ADAMTSL2: variants seen among roughly 807,000 people sequenced by gnomAD.
ADAMTSL2 encodes ADAMTS-like protein 2.
A neutral mutation model predicts 117.0 loss-of-function variants in ADAMTSL2; 55 were observed. The ratio of observed to expected loss-of-function variants is 0.47; its 90% CI spans 0.38 to 0.59. The LOEUF (loss-of-function observed/expected upper bound fraction) is 0.59, where lower values mean the gene tolerates loss of function less well. ADAMTSL2 is among the 20% of genes least tolerant of loss of function. ADAMTSL2 has a pLI of 0.00. For synonymous variants in ADAMTSL2, 572 were observed against 566.4 expected (o/e 1.01, Z -0.14); for missense variants, 1,182 against 1,354.5 (o/e 0.87, Z 2.00).
At chr9:133,566,695 G>A (rs1279233770) in intron 12 of ADAMTSL2, among the ~76,000 whole-genome samples, 10 of 151,952 alleles carry the variant, frequency 6.6e-5, no homozygotes, top group South Asian at 2.1e-4. Flanking sequence ...TCCGTGACAT[G>A]GGAACTGGGA....
intron 9 of ADAMTSL2, among the ~76,000 whole-genome samples, chr9:133,552,083 C>T (rs551626078): frequency 2.0e-4 from 30 of 152,274 alleles, no homozygotes; most frequent in African/African-American, 6.7e-4. Context: ...CCGCCTCGGC[C>T]TCCCAAAGTG....
chr9:133,574,979 T>A lies in ADAMTSL2; in HGVS notation c.*115T>A, dbSNP rs953285926. On this transcript the variant is annotated 3_prime_UTR_variant, in exon 19 of 19. Transcript: ENST00000651351. The stretch of plus-strand genomic sequence containing the variant: ...GCGGGGCACGCTGGCCTAAGAGACG[T>A]GGCACTGAGCCTCGGCTGTCGAGAG... The A allele has an allele frequency of 5.0e-6, 4 of 803,154 alleles. No homozygotes were observed. In the Admixed American group the frequency reaches 8.1e-5, roughly 16 times the overall value. The allele number at this position is 803,154 out of a possible 1,614,324, so 49.8% of individuals were successfully genotyped here.
At chr9:133,540,014 G>C (rs920562846) in intron 5 of ADAMTSL2, 141 bp downstream of exon 5, 2 of 791,882 alleles carry the variant, frequency 2.5e-6, no homozygotes, top group Non-Finnish European at 4.2e-6. Flanking sequence ...AATGAACCTG[G>C]GTCTCCTGAG....
chr9:133,562,504 C>T lies in ADAMTSL2; in HGVS notation c.1747+1209C>T, dbSNP rs1190713636. Among the ~76,000 whole-genome samples, 83 of 140,300 alleles carry T rather than the reference C, an allele frequency of 5.9e-4. 3 individuals carry two copies. The highest frequency in any genetic ancestry group is 1.9e-3 in the African/African-American group (73 of 38,380). The allele number at this position is 140,300 out of a possible 152,430, so 92.0% of individuals were successfully genotyped here. A position where few individuals can be genotyped will look rare whatever the true frequency, so the allele number is the denominator to read the frequency against. On this transcript the variant is annotated intron_variant, in intron 12 of 18. Transcript: ENST00000651351. ...GCACCCGGCTCGGCCAGGCTCGCAC[C>T]GCCGTGGGCGGCGTGGCGGGCACCC...
At chr9:133,569,303 G>A (rs1442276340) in intron 15 of ADAMTSL2, 105 bp from the exon 16 acceptor site, 50 of 1,218,516 alleles carry the variant, frequency 4.1e-5, no homozygotes, top group Middle Eastern at 2.0e-4. Flanking sequence ...CAACCGCTTC[G>A]ACACTGCCTG....
intron 16 of ADAMTSL2, 152 bp from the exon 17 acceptor site, chr9:133,570,179 G>C: frequency 1.2e-6 from 1 of 864,410 alleles, no homozygotes; most frequent in Non-Finnish European, 1.7e-6. Context: ...AATGGTTATC[G>C]AACAAAGAGT....
At chr9:133,544,380 C>T (rs558622065) in intron 7 of ADAMTSL2, 90 bp from the exon 8 acceptor site, 3 of 1,102,066 alleles carry the variant, frequency 2.7e-6, no homozygotes, top group South Asian at 2.5e-5. Context: ...ACAGCCACCG[C>T]TCACCCTCCA....
intron 3 of ADAMTSL2, 151 bp downstream of exon 3, chr9:133,537,698 T>C (rs1268601121): frequency 2.1e-6 from 2 of 947,096 alleles, no homozygotes; most frequent in Non-Finnish European, 1.4e-6. Flanking sequence ...CATCAGCCTC[T>C]GCTGGACGCG....
chr9:133,542,712 C>T (rs561633477), intron 7 of ADAMTSL2, among the ~76,000 whole-genome samples: 16 of 152,278 alleles, frequency 1.1e-4, no homozygotes, highest in African/African-American at 3.1e-4. Flanking sequence ...AGAGGCAGAA[C>T]GGGGCCTGAA....
chr9:133,569,938 G>A (rs1831065922), intron 16 of ADAMTSL2, among the ~76,000 whole-genome samples: 1 of 152,206 alleles, frequency 6.6e-6, no homozygotes, highest in Non-Finnish European at 1.5e-5. Flanking sequence ...TGTGTCTTCC[G>A]CACCCACCTG....
chr9:133,563,503 G>A (rs1830796989), intron 12 of ADAMTSL2, among the ~76,000 whole-genome samples: 2 of 152,212 alleles, frequency 1.3e-5, no homozygotes, highest in African/African-American at 4.8e-5. Context: ...CAGACACATC[G>A]CTGGCTGGAG....
rs1327701305 is a variant in ADAMTSL2 at position 133,554,866 on chromosome 9, C to A, written c.1276+173C>A. On this transcript the variant is annotated intron_variant, in intron 10 of 18. Transcript: ENST00000651351. This position sits in a 1 kb window ranked among gnomAD's most constrained non-coding sequence, Gnocchi z 5.2. Reference sequence around the variant, plus strand: ...ACAGGGTTGAGGACTTGGGATAGGTCCTTCTGTCCATGCATTCTTTGAGGT... The same window carrying A: ...ACAGGGTTGAGGACTTGGGATAGGTACTTCTGTCCATGCATTCTTTGAGGT... 1.3e-5 allele frequency among the ~76,000 whole-genome samples: 2 copies of A among 152,188 alleles called. No individual in the cohort carries two copies. Among genetic ancestry groups the A allele is most frequent in the Non-Finnish European group, 2.9e-5 (2 of 68,032 alleles).
intron 17 of ADAMTSL2, among the ~76,000 whole-genome samples, chr9:133,572,049 G>A (rs1831117009): frequency 6.6e-6 from 1 of 152,160 alleles, no homozygotes; most frequent in Non-Finnish European, 1.5e-5. Context: ...CCAAGAGTCT[G>A]TGAGGAGCGA....
intron 4 of ADAMTSL2, 116 bp from the exon 5 acceptor site, chr9:133,539,655 G>GGCTGTCCCGGCTGTCCCT: frequency 1.0e-6 from 1 of 959,354 alleles, no homozygotes; most frequent in Non-Finnish European, 1.6e-6. Context: ...GCCCCCGCAC[G>GGCTGTCCCGGCTGTCCCT]GCTGTCCCGG....
chr9:133,536,528 C>G (rs1830055795), intron 1 of ADAMTSL2, 35 bp from the exon 2 acceptor site: 1 of 1,528,876 alleles, frequency 6.5e-7, no homozygotes, highest in Non-Finnish European at 8.8e-7. Context: ...CTTGCTAAGC[C>G]TAGACTGAGG....
At chr9:133,563,842 AGGG>A (rs1830815324) in intron 12 of ADAMTSL2, among the ~76,000 whole-genome samples, 1 of 28,132 alleles carries the variant, frequency 3.6e-5, no homozygotes, top group African/African-American at 1.6e-4. Context: ...AGAGAGAGAG[AGGG>A]AGAGAGAGAG....
intron 4 of ADAMTSL2, 62 bp from the exon 5 acceptor site, chr9:133,539,709 G>A: frequency 7.5e-7 from 1 of 1,324,672 alleles, no homozygotes; most frequent in Non-Finnish European, 1.0e-6. Flanking sequence ...GCTTAGCCTG[G>A]ACAAAAATGC....
At chr9:133,556,078 G>T in intron 11 of ADAMTSL2, 148 bp downstream of exon 11, 1 of 1,095,594 alleles carries the variant, frequency 9.1e-7, no homozygotes, top group African/African-American at 1.6e-5. Flanking sequence ...TTCTTCCCGG[G>T]GTTCTCCACT....
At chr9:133,546,991 C>G (rs1830364501) in intron 8 of ADAMTSL2, 47 bp from the exon 9 acceptor site, 1 of 1,594,280 alleles carries the variant, frequency 6.3e-7, no homozygotes, top group Non-Finnish European at 8.6e-7. Context: ...ACTGGCTCCT[C>G]CCCCAGCCAG....
Sources: allele counts gnomAD v4.1 joint callset (sites outside exome capture counted in the v4.1 genomes callset), GRCh38; gene constraint gnomAD v4.1.1; non-coding constraint Gnocchi (gnomAD v3.1); transcripts MANE v1.5; gene names NCBI Gene and HGNC (gene_info 2026-07-23, HGNC 2026-07-21).